The following CNTNAP3B variants were observed in gnomAD, a reference collection of about 807,000 sequenced individuals.
The protein encoded by CNTNAP3B is contactin associated protein family member 3B.
Under a neutral mutation model 108.9 loss-of-function variants are expected in CNTNAP3B, and 25 were observed. The observed-to-expected ratio is 0.23, with a 90% CI of 0.17 to 0.32. CNTNAP3B has a LOEUF of 0.32. CNTNAP3B is among the 10% of genes least tolerant of loss of function. The pLI is 1.00. For synonymous variants in CNTNAP3B, 103 were observed against 473.4 expected (o/e 0.22, Z 10.16); for missense variants, 252 against 1,210.4 (o/e 0.21, Z 11.75).
At chr9:41,983,216 G>A (rs1258091980) in intron 9 of CNTNAP3B, 2 of 136,310 alleles carry the variant, frequency 1.5e-5, no homozygotes, top group South Asian at 2.4e-4. Flanking sequence ...AAAAAGAGAA[G>A]CATCACGTAT....
chr9:41,966,752 G>A (rs1423751736), intron 10 of CNTNAP3B, among the ~76,000 whole-genome samples: 1 of 152,148 alleles, frequency 6.6e-6, no homozygotes, highest in African/African-American at 2.4e-5. Flanking sequence ...TGGATCACGA[G>A]GTCAGGAGAT....
intron 11 of CNTNAP3B, among the ~76,000 whole-genome samples, chr9:41,964,324 T>C (rs1825198043): frequency 6.6e-6 from 1 of 152,210 alleles, no homozygotes; most frequent in Admixed American, 6.5e-5. Context: ...CCAGTTTCTT[T>C]TTTTCAATCC....
At chr9:42,075,284 G>T (rs577035496) in intron 3 of CNTNAP3B, among the ~76,000 whole-genome samples, 1 of 146,134 alleles carries the variant, frequency 6.8e-6, no homozygotes, top group African/African-American at 2.6e-5. Context: ...CACATTCTGA[G>T]GTACTGGGAG....
In CNTNAP3B at chr9:42,011,995, A is replaced by G. The variant is rs899903199; in HGVS notation, c.538+1383T>C. Among the ~76,000 whole-genome samples the G allele has an allele frequency of 2.5e-4, 24 of 97,812 alleles. 3 individuals carry two copies. The highest frequency in any genetic ancestry group is 4.1e-4 in the Non-Finnish European group (19 of 46,108). 64.2% of individuals were successfully genotyped at this position (97,812 alleles called of 152,430 possible). ...TTACAGAAGTTAACGGTGCCAGCAG[A>G]TTGCATGGCAGCTGCACCGCCCACC... On this transcript the variant is annotated intron_variant, in intron 4 of 23. Coordinates refer to ENST00000377561, the MANE Select transcript of CNTNAP3B (RefSeq NM_001201380.3).
In CNTNAP3B at chr9:42,014,597, T is replaced by A. The variant is rs1826187535; in HGVS notation, c.391-1072A>T. The stretch of plus-strand genomic sequence containing the variant: ...CGAGGTCAGGAGATCGAGATCATCC[T>A]GGCTAACACGGTGAAACCCTGTCTC... On this transcript the variant is annotated intron_variant, in intron 3 of 23. Transcript: ENST00000377561. Among the ~76,000 whole-genome samples, 7 of 114,064 alleles carry A rather than the reference T, an allele frequency of 6.1e-5. No homozygotes were observed. In the Admixed American group the frequency reaches 6.5e-4, roughly 11 times the overall value. The allele number at this position is 114,064 out of a possible 152,430, so 74.8% of individuals were successfully genotyped here.
rs1314633423 is a variant in CNTNAP3B, at chr9:41,979,100, T to C, written c.1477+7068A>G. Among the ~76,000 whole-genome samples the C allele has an allele frequency of 1.5e-5, 2 of 136,066 alleles. 1 individual carries two copies. The highest frequency in any genetic ancestry group is 3.1e-5 in the Non-Finnish European group (2 of 64,090). 89.3% of individuals were successfully genotyped at this position (136,066 alleles called of 152,430 possible). A position where few individuals can be genotyped will look rare whatever the true frequency, so the allele number is the denominator to read the frequency against. On this transcript the variant is annotated intron_variant, in intron 9 of 23. Transcript: ENST00000377561. ...GCAGGTGTAACAGTCTAGGCCTCTG[T>C]CTTCCTGAGGCGTTGTTCCTGCATG...
At chr9:42,036,678 T>C (rs1826639033) in intron 3 of CNTNAP3B, among the ~76,000 whole-genome samples, 1 of 136,600 alleles carries the variant, frequency 7.3e-6, no homozygotes, top group East Asian at 2.2e-4. Context: ...CGTCCCTGTC[T>C]GACAGCTTTG....
chr9:42,041,628 G>A (rs1335072323), intron 3 of CNTNAP3B, among the ~76,000 whole-genome samples: 8 of 144,288 alleles, frequency 5.5e-5, no homozygotes, highest in African/African-American at 1.9e-4. Context: ...GACCACTTTT[G>A]CACTGTTGGT....
At chr9:42,107,451 C>A (rs1305008318) in intron 1 of CNTNAP3B, among the ~76,000 whole-genome samples, 2 of 113,556 alleles carry the variant, frequency 1.8e-5, no homozygotes, top group Non-Finnish European at 3.5e-5. Context: ...GTTATTCTTT[C>A]CCTTGGTTTC....
At chr9:42,124,849 C>A (rs1207530544) in intron 1 of CNTNAP3B, among the ~76,000 whole-genome samples, 5 of 136,616 alleles carry the variant, frequency 3.7e-5, no homozygotes, top group Non-Finnish European at 4.7e-5. Flanking sequence ...TATAAATGAA[C>A]TGTTATTTCT....
intron 13 of CNTNAP3B, 34 bp downstream of exon 13, chr9:41,953,149 G>C (rs1236335951): frequency 9.4e-6 from 14 of 1,492,466 alleles, no homozygotes; most frequent in East Asian, 2.7e-5. Flanking sequence ...CCCCGGCCTC[G>C]TGAGCCCCTG....
intron 3 of CNTNAP3B, among the ~76,000 whole-genome samples, chr9:42,067,118 CCT>C (rs1214920975): frequency 1.3e-5 from 2 of 150,568 alleles, no homozygotes; most frequent in East Asian, 3.9e-4. Context: ...TTTAGTCAGG[CCT>C]CTCTCCTTGA....
intron 9 of CNTNAP3B, among the ~76,000 whole-genome samples, chr9:41,978,272 T>G (rs2118294856): frequency 4.3e-5 from 1 of 23,346 alleles, no homozygotes; most frequent in African/African-American, 9.1e-5. Context: ...GCTCCCTGAC[T>G]TGGTAAAATG....
chr9:42,118,326 C>A (rs571871149), intron 1 of CNTNAP3B, among the ~76,000 whole-genome samples: 8 of 139,682 alleles, frequency 5.7e-5, no homozygotes, highest in African/African-American at 2.0e-4. Flanking sequence ...AGCTTATCCA[C>A]CATGATCAAG....
intron 14 of CNTNAP3B, 46 bp from the exon 15 acceptor site, chr9:41,929,490 A>G: frequency 6.6e-7 from 1 of 1,509,394 alleles, no homozygotes. Flanking sequence ...TGATTAACAT[A>G]CGGGCAAAAT....
rs532042512 is a variant in CNTNAP3B, at chr9:42,117,170, C to A, written c.85+11840G>T. Among the ~76,000 whole-genome samples, 3 of 136,314 alleles carry A rather than the reference C, an allele frequency of 2.2e-5. No homozygotes were observed. The South Asian group carries it at 7.2e-4, about 33-fold the overall frequency. The allele number at this position is 136,314 out of a possible 152,430, so 89.4% of individuals were successfully genotyped here. A position where few individuals can be genotyped will look rare whatever the true frequency, so the allele number is the denominator to read the frequency against. ...GAATTGAACTCAGCTCTGCACCAAG[C>A]AGACCTAATAGACATCTACAGAACT... On this transcript the variant is annotated intron_variant, in intron 1 of 23. Transcript: ENST00000377561.
chr9:41,951,571 G>A (rs1299507685), intron 13 of CNTNAP3B, among the ~76,000 whole-genome samples: 8 of 152,286 alleles, frequency 5.3e-5, no homozygotes, highest in African/African-American at 9.6e-5. Context: ...CATCAAAGAG[G>A]AAACAAAGTC....
At chr9:42,046,127 G>A (rs1415389545) in intron 3 of CNTNAP3B, among the ~76,000 whole-genome samples, 1 of 124,230 alleles carries the variant, frequency 8.0e-6, no homozygotes, top group Non-Finnish European at 1.7e-5. Context: ...GGACCGGCCT[G>A]TGAGAAACTT....
At chr9:42,075,093 C>A in intron 3 of CNTNAP3B, among the ~76,000 whole-genome samples, 1 of 143,160 alleles carries the variant, frequency 7.0e-6, no homozygotes, top group Non-Finnish European at 1.5e-5. Context: ...TTATTCCAAT[C>A]CTCCCTCCTC....
Sources: gnomAD v4.1 joint callset for allele counts (sites outside exome capture counted in the v4.1 genomes callset) on GRCh38, gnomAD v4.1.1 for gene constraint, MANE v1.5 for transcripts, NCBI Gene and HGNC (gene_info 2026-07-23, HGNC 2026-07-21) for gene names.